The following SNX29 variants were observed in gnomAD, a reference collection of about 807,000 sequenced individuals.
SNX29 encodes the protein sorting nexin 29, also known as sorting nexin-29.
SNX29 carries 78 observed loss-of-function variants against 102.1 expected under a neutral mutation model. The observed-to-expected ratio is 0.76, with a 90% CI of 0.64 to 0.92. The LOEUF (loss-of-function observed/expected upper bound fraction) is 0.92, where lower values mean the gene tolerates loss of function less well. Ranked by LOEUF, SNX29 falls within the 40% of genes least tolerant of loss-of-function variation. SNX29 has a pLI of 0.00. For missense variants in SNX29, 1,280 were observed against 1,061.7 expected, an observed-to-expected ratio of 1.21 and a Z score of -2.86; for synonymous variants, 580 against 414.5, an observed-to-expected ratio of 1.40 and a Z score of -4.85.
intron 14 of SNX29, among the ~76,000 whole-genome samples, chr16:12,237,363 G>C (rs1240645426): frequency 2.0e-5 from 3 of 152,216 alleles, no homozygotes; most frequent in Non-Finnish European, 4.4e-5. Context: ...CCTGCTTTAT[G>C]CGCTTATCTC....
chr16:12,399,031 C>T (rs2083834292), intron 17 of SNX29, among the ~76,000 whole-genome samples: 1 of 152,004 alleles, frequency 6.6e-6, no homozygotes, highest in Non-Finnish European at 1.5e-5. Flanking sequence ...GCTGAGCCAC[C>T]CATAGGGAGA....
intron 3 of SNX29, among the ~76,000 whole-genome samples, chr16:12,026,767 T>G (rs970653443): frequency 6.6e-6 from 1 of 152,212 alleles, no homozygotes; most frequent in African/African-American, 2.4e-5. Flanking sequence ...ATATAATCTC[T>G]TTAGAGCATG....
chr16:12,370,826 TG>T (rs1225407834), intron 16 of SNX29, among the ~76,000 whole-genome samples: 2 of 152,264 alleles, frequency 1.3e-5, no homozygotes. Context: ...GTCTCTTTTC[TG>T]GGCGACCAGC....
chr16:12,048,452 G>A lies in SNX29; in HGVS notation c.580G>A (p.Asp194Asn). 6.2e-7 allele frequency: 1 copy of A among 1,613,906 alleles called. No individual in the cohort carries two copies. Among genetic ancestry groups the A allele is most frequent in the Non-Finnish European group, 8.5e-7 (1 of 1,179,872 alleles). ...GQSKFAPTVS[D>N]LLKESTQNVT... The stretch of plus-strand genomic sequence containing the variant: ...GAGTAAGTTTGCTCCCACCGTTTCA[G>A]ACCTCTTAAAGGAGTCAACGCAGAA... The change falls in exon 7 of 21, where the codon GAC becomes AAC. Residue 194 changes from aspartate to asparagine, a missense_variant. Transcript: ENST00000566228.
In SNX29 at chr16:12,096,663, G is replaced by A. The variant is rs2052780102; in HGVS notation, c.1402+17748G>A. On this transcript the variant is annotated intron_variant, in intron 11 of 20. Transcript: ENST00000566228. The surrounding 1 kb of genome is among the most constrained non-coding windows in gnomAD (Gnocchi z 4.2). Reference sequence around the variant, plus strand: ...AACGGGAGGCAATGGGGTCATGTGGGAGTGATGTACTCTTTGTTATCTGTG... The same window carrying A: ...AACGGGAGGCAATGGGGTCATGTGGAAGTGATGTACTCTTTGTTATCTGTG... Among the ~76,000 whole-genome samples, 1 of 152,212 alleles carries A rather than the reference G, an allele frequency of 6.6e-6. No homozygotes were observed. Among genetic ancestry groups the A allele is most frequent in the Admixed American group, 6.5e-5 (1 of 15,278 alleles).
At chr16:12,538,574 T>A (rs2077182058) in intron 20 of SNX29, among the ~76,000 whole-genome samples, 1 of 152,190 alleles carries the variant, frequency 6.6e-6, no homozygotes, top group African/African-American at 2.4e-5. Context: ...TTAGCTGAGC[T>A]GGCTTCTGTG....
Position 12,112,522 on chromosome 16 carries a change from C to T in SNX29, c.1403-14111C>T, listed in dbSNP as rs549368100. Among the ~76,000 whole-genome samples the T allele has an allele frequency of 1.1e-4, 17 of 152,296 alleles. No individual in the cohort carries two copies. The South Asian group carries it at 2.9e-3, about 26-fold the overall frequency. The stretch of plus-strand genomic sequence containing the variant: ...GCATGCGTGAGGGAAACGCAGAAGG[C>T]ATGGGTGGAATCCTGCTCACAAGGG... On this transcript the variant is annotated intron_variant, in intron 11 of 20. Coordinates refer to ENST00000566228, the MANE Select transcript of SNX29 (RefSeq NM_032167.5).
At chr16:12,400,971 T>C (rs943998479) in intron 17 of SNX29, among the ~76,000 whole-genome samples, 8 of 152,136 alleles carry the variant, frequency 5.3e-5, no homozygotes, top group East Asian at 3.9e-4. Flanking sequence ...TACAGGTGCC[T>C]GCCACCACAC....
At chr16:12,235,958 A>G (rs2077918481) in intron 14 of SNX29, among the ~76,000 whole-genome samples, 1 of 152,130 alleles carries the variant, frequency 6.6e-6, no homozygotes, top group Admixed American at 6.5e-5. Flanking sequence ...GAAAAGTACA[A>G]TTTTCTGTTT....
chr16:12,183,247 C>A (rs964410378), intron 13 of SNX29, among the ~76,000 whole-genome samples: 1 of 152,144 alleles, frequency 6.6e-6, no homozygotes, highest in Non-Finnish European at 1.5e-5. Context: ...GCGATCCTCC[C>A]GCCTTAGCCT....
rs553082215 is a variant in SNX29 at position 12,279,923 on chromosome 16, G to A, written c.1782+1887G>A. Among the ~76,000 whole-genome samples, 6 of 152,338 alleles carry A rather than the reference G, an allele frequency of 3.9e-5. 1 individual carries two copies. The highest frequency in any genetic ancestry group is 2.1e-4 in the South Asian group (1 of 4,830). On this transcript the variant is annotated intron_variant, in intron 15 of 20. Coordinates refer to ENST00000566228, the MANE Select transcript of SNX29 (RefSeq NM_032167.5). Reference sequence around the variant, plus strand: ...CTGTGGTGAGGACTCCATCAGACCAGTGCAGCTCAGTGAGGGTGCCTACTT... The same window carrying A: ...CTGTGGTGAGGACTCCATCAGACCAATGCAGCTCAGTGAGGGTGCCTACTT...
chr16:12,508,141 G>C (rs1346459944), intron 19 of SNX29, among the ~76,000 whole-genome samples: 1 of 152,212 alleles, frequency 6.6e-6, no homozygotes, highest in Non-Finnish European at 1.5e-5. Flanking sequence ...AGATACAGTA[G>C]CTGCCGTATT....
chr16:12,515,630 G>T (rs1430812194), intron 19 of SNX29: 1 of 485,646 alleles, frequency 2.1e-6, no homozygotes, highest in Non-Finnish European at 4.1e-6. Context: ...GTGCCTTCCT[G>T]TCCTAGCCAC....
intron 20 of SNX29, among the ~76,000 whole-genome samples, chr16:12,564,016 A>T (rs1187307233): frequency 6.6e-6 from 1 of 152,026 alleles, no homozygotes; most frequent in Non-Finnish European, 1.5e-5. Flanking sequence ...CCCCCAGGGT[A>T]GGGAGTTGAG....
intron 14 of SNX29, among the ~76,000 whole-genome samples, chr16:12,250,683 G>A (rs1289196076): frequency 1.3e-5 from 2 of 152,224 alleles, no homozygotes; most frequent in Non-Finnish European, 2.9e-5. Context: ...AGGCAGATCT[G>A]TGCACAGGTG....
intron 11 of SNX29, 115 bp from the exon 12 acceptor site, chr16:12,126,518 A>T: frequency 9.2e-7 from 1 of 1,088,250 alleles, no homozygotes; most frequent in Non-Finnish European, 1.3e-6. Flanking sequence ...TTTGAAAGGG[A>T]AAAGGGAACT....
chr16:12,558,104 C>G (rs117895473), intron 20 of SNX29, among the ~76,000 whole-genome samples: 2,191 of 152,302 alleles, frequency 0.014, 53 homozygotes, highest in South Asian at 0.11. Flanking sequence ...GACGGGGCAA[C>G]TGAGAATTAG....
At chr16:12,293,017 T>C (rs552581223) in intron 15 of SNX29, among the ~76,000 whole-genome samples, 2 of 152,374 alleles carry the variant, frequency 1.3e-5, no homozygotes, top group South Asian at 2.1e-4. Context: ...AGACAAATTA[T>C]TTAAATCTAA....
chr16:12,086,867 C>T (rs759879586), intron 11 of SNX29: 35 of 151,988 alleles, frequency 2.3e-4, no homozygotes, highest in Non-Finnish European at 4.4e-4. Flanking sequence ...CCAGGAGGTA[C>T]AAATAGAAGA....
Sources: gnomAD v4.1 joint callset for allele counts (sites outside exome capture counted in the v4.1 genomes callset) on GRCh38, gnomAD v4.1.1 for gene constraint, Gnocchi (gnomAD v3.1) non-coding constraint, MANE v1.5 for transcripts, NCBI Gene and HGNC (gene_info 2026-07-23, HGNC 2026-07-21) for gene names.